CCDC86: variants seen among roughly 807,000 people sequenced by gnomAD.
The protein encoded by CCDC86 is coiled-coil domain-containing protein 86.
CCDC86 carries 28 observed loss-of-function variants against 36.7 expected under a neutral mutation model. That is an observed-to-expected ratio of 0.76 (90% CI 0.57 to 1.05). CCDC86 has a LOEUF of 1.05. Among genes scored for constraint, CCDC86 ranks in the 50% least tolerant of loss-of-function variants. The pLI, the probability that CCDC86 is intolerant of heterozygous loss-of-function variation, is 0.00. For missense variants in CCDC86, 453 were observed against 470.2 expected, an observed-to-expected ratio of 0.96 and a Z score of 0.34; for synonymous variants, 199 against 203.4, an observed-to-expected ratio of 0.98 and a Z score of 0.18.
intron 3 of CCDC86, 37 bp downstream of exon 3, chr11:60,850,051 C>T (rs755953578): frequency 1.4e-5 from 22 of 1,610,882 alleles, no homozygotes; most frequent in African/African-American, 8.0e-5. Flanking sequence ...CCTTCTGCCC[C>T]ACTTGGGGGT....
At position 60,850,454 on chromosome 11, in the gene CCDC86, C is replaced by T. The variant is rs531936657; in HGVS notation, c.*129C>T. On this transcript the variant is annotated 3_prime_UTR_variant, in exon 4 of 4. Coordinates refer to ENST00000227520, the MANE Select transcript of CCDC86 (RefSeq NM_024098.4). ...GGCTCCAGAACAGGGACCCCCACCCCGACCGGGGCTCCTCGGCCTTTGAAG... is the reference window on the plus strand; with the variant it reads ...GGCTCCAGAACAGGGACCCCCACCCTGACCGGGGCTCCTCGGCCTTTGAAG... 377 of 1,262,710 alleles carry T rather than the reference C, an allele frequency of 3.0e-4. No individual in the cohort carries two copies. The highest frequency in any genetic ancestry group is 8.3e-4 in the Middle Eastern group (3 of 3,598). 78.2% of individuals were successfully genotyped at this position (1,262,710 alleles called of 1,614,324 possible). A position where few individuals can be genotyped will look rare whatever the true frequency, so the allele number is the denominator to read the frequency against.
In CCDC86 at chr11:60,842,197, G is replaced by C; in HGVS notation, c.73G>C (p.Val25Leu). The change falls in exon 1 of 4, where the codon GTT (valine) becomes CTT (leucine). Residue 25 changes from valine to leucine, a missense_variant. By Grantham distance (32) the Val-to-Leu change is conservative (BLOSUM62 1). Coordinates refer to ENST00000227520, the MANE Select transcript of CCDC86 (RefSeq NM_024098.4). ...RPESPESLTSVSRTRRALVEF... is the reference protein window; with the variant it reads ...RPESPESLTSLSRTRRALVEF... ...CGAATCCCCCGAGAGCCTCACCTCAGTTTCGCGGACGAGACGGGCCCTTGT... is the reference window on the plus strand; with the variant it reads ...CGAATCCCCCGAGAGCCTCACCTCACTTTCGCGGACGAGACGGGCCCTTGT... The C allele has an allele frequency of 3.1e-6, 5 of 1,613,294 alleles. No homozygotes were observed. The highest frequency in any genetic ancestry group is 4.2e-6 in the Non-Finnish European group (5 of 1,179,846).
chr11:60,847,555 T>C (rs1855201479), intron 1 of CCDC86: 1 of 158,996 alleles, frequency 6.3e-6, no homozygotes, highest in Admixed American at 6.3e-5. Flanking sequence ...GCAACAGAAC[T>C]TTACAGCAGG....
chr11:60,845,921 G>C (rs1323801240), intron 1 of CCDC86, among the ~76,000 whole-genome samples: 1 of 152,166 alleles, frequency 6.6e-6, no homozygotes, highest in African/African-American at 2.4e-5. Context: ...CCCTGCCTCA[G>C]TACCTTAGCC....
At position 60,850,926 on chromosome 11, in the gene CCDC86, A is replaced by T. The variant is rs1855256490; in HGVS notation, c.*601A>T. 3 of 152,460 alleles carry T rather than the reference A, an allele frequency of 2.0e-5. No homozygotes were observed. The highest frequency in any genetic ancestry group is 1.3e-4 in the Admixed American group (2 of 15,306). 9.4% of individuals were successfully genotyped at this position (152,460 alleles called of 1,614,324 possible). A position where few individuals can be genotyped will look rare whatever the true frequency, so the allele number is the denominator to read the frequency against. On this transcript the variant is annotated 3_prime_UTR_variant, in exon 4 of 4. Transcript: ENST00000227520. ...GCAGAAGCCCCAGAGAATCTAACTC[A>T]TGCCTGTCCAGTCTACAGCAAAAAT...
rs964319189 is a variant in CCDC86, at chr11:60,842,403, G to C, written c.279G>C (p.Gln93His). The change falls in exon 1 of 4, where the codon CAG becomes CAC. Residue 93 changes from glutamine (Q) to histidine (H), a missense_variant. Transcript: ENST00000227520. ...GQPEPGAASP[Q>H]RQQDLHLESP... The stretch of plus-strand genomic sequence containing the variant: ...CAGAGCCAGGCGCAGCGTCCCCCCA[G>C]CGTCAGCAAGACCTACACCTGGAGT... The C allele has an allele frequency of 4.5e-5, 73 of 1,613,568 alleles. No homozygotes were observed. The highest frequency in any genetic ancestry group is 6.0e-5 in the Non-Finnish European group (71 of 1,179,926).
chr11:60,847,827 C>G, intron 1 of CCDC86, 97 bp from the exon 2 acceptor site: 1 of 1,432,632 alleles, frequency 7.0e-7, no homozygotes, highest in Non-Finnish European at 9.3e-7. Flanking sequence ...TGCCTGGGCT[C>G]TGGGGAAGAA....
chr11:60,847,884 G>C, intron 1 of CCDC86, 40 bp from the exon 2 acceptor site: 1 of 1,573,460 alleles, frequency 6.4e-7, no homozygotes, highest in Non-Finnish European at 8.7e-7. Context: ...GGTGGCGCTT[G>C]CCCCACAGAC....
intron 2 of CCDC86, among the ~76,000 whole-genome samples, chr11:60,849,002 C>G (rs528834718): frequency 6.6e-6 from 1 of 152,348 alleles, no homozygotes; most frequent in South Asian, 2.1e-4. Flanking sequence ...CGGAGGTGCT[C>G]CTGCCCAGCC....
At position 60,842,893 on chromosome 11, in the gene CCDC86, G is replaced by T. The variant is rs748291836; in HGVS notation, c.758+11G>T. 4 of 1,546,526 alleles carry T rather than the reference G, an allele frequency of 2.6e-6. No homozygotes were observed. The highest frequency in any genetic ancestry group is 3.5e-6 in the Non-Finnish European group (4 of 1,145,848). On this transcript the variant is annotated intron_variant, in intron 1 of 3. Transcript: ENST00000227520. ...CCGCTCCAAGAAAAGGTGAAGTGGG[G>T]GACAGCATGGACAGGGGTGGCGTTC...
chr11:60,850,005 C>T lies in CCDC86; in HGVS notation c.954C>T (p.Val318=), dbSNP rs777267337. ...TGGAGAATGAGCGGAAGGCAGAGGT[C>T]GTCCAAGTGGTGAGTGTCTCGTTTT... ...RRLENERKAE[V]VQVIRNPAKL... is the part of the protein sequence containing the mutation. Residue 318 remains valine, a synonymous_variant, in exon 3 of 4, where the codon GTC becomes GTT. Transcript: ENST00000227520. 2.5e-6 allele frequency: 4 copies of T among 1,614,156 alleles called. No individual in the cohort carries two copies. Among genetic ancestry groups the T allele is most frequent in the Admixed American group, 1.7e-5 (1 of 60,010 alleles).
intron 2 of CCDC86, among the ~76,000 whole-genome samples, chr11:60,848,463 C>T (rs1387938427): frequency 6.6e-6 from 1 of 152,090 alleles, no homozygotes; most frequent in Non-Finnish European, 1.5e-5. Context: ...GGTATGGCTG[C>T]TGTCATTCTC....
chr11:60,848,014 T>C lies in CCDC86; in HGVS notation c.849T>C (p.Phe283=). 2 of 1,613,490 alleles carry C rather than the reference T, an allele frequency of 1.2e-6. No individual in the cohort carries two copies. The highest frequency in any genetic ancestry group is 1.7e-6 in the Non-Finnish European group (2 of 1,179,616). The change falls in exon 2 of 4, where the codon TTT becomes TTC. Residue 283 remains phenylalanine, a synonymous_variant. Coordinates refer to ENST00000227520, the MANE Select transcript of CCDC86 (RefSeq NM_024098.4). ...ERQERKLAKD[F]ARHLEEEKER... ...AGGAGAGGAAGCTGGCCAAGGACTT[T>C]GCCCGTCACCTGGAGGAGGAGAAGG...
chr11:60,846,350 G>A (rs1458457830), intron 1 of CCDC86, among the ~76,000 whole-genome samples: 3 of 152,152 alleles, frequency 2.0e-5, no homozygotes, highest in South Asian at 2.1e-4. Context: ...GCAGGGCCAA[G>A]GGACACCAAA....
intron 1 of CCDC86, among the ~76,000 whole-genome samples, chr11:60,846,072 A>G (rs951699244): frequency 1.3e-5 from 2 of 152,246 alleles, no homozygotes; most frequent in African/African-American, 4.8e-5. Flanking sequence ...GACAGTGTCA[A>G]TGTGGAATGT....
intron 1 of CCDC86, among the ~76,000 whole-genome samples, chr11:60,846,009 C>T (rs866536415): frequency 5.9e-5 from 9 of 152,210 alleles, no homozygotes; most frequent in Middle Eastern, 6.8e-3. Flanking sequence ...CTATCAACAC[C>T]AACCACATTT....
Position 60,850,423 on chromosome 11 carries a change from A to G in CCDC86, c.*98A>G, listed in dbSNP as rs1201545085. On this transcript the variant is annotated 3_prime_UTR_variant, in exon 4 of 4. Transcript: ENST00000227520. ...GCCTCTGCTGGAGCTGGCACTCCAA[A>G]CCCATGGCTCCAGAACAGGGACCCC... is the stretch of plus-strand genomic sequence containing the variant. 2.1e-6 allele frequency: 3 copies of G among 1,461,716 alleles called. No individual in the cohort carries two copies. Among genetic ancestry groups the G allele is most frequent in the Admixed American group, 2.2e-5 (1 of 45,376 alleles). The allele number at this position is 1,461,716 out of a possible 1,614,324, so 90.5% of individuals were successfully genotyped here.
At position 60,842,134 on chromosome 11, in the gene CCDC86, C is replaced by T; in HGVS notation, c.10C>T (p.Pro4Ser). ...ACTTACCGGCTGAGCCATGGATACA[C>T]CGTTAAGGCGCAGCCGACGGCTGGG... is the stretch of plus-strand genomic sequence containing the variant. MDT[P>S]LRRSRRLGGL... is the part of the protein sequence containing the mutation. The change falls in exon 1 of 4, where the codon CCG becomes TCG. Residue 4 changes from proline to serine, a missense_variant. Coordinates refer to ENST00000227520, the MANE Select transcript of CCDC86 (RefSeq NM_024098.4). 1.9e-6 allele frequency: 3 copies of T among 1,585,588 alleles called. No homozygotes were observed. The highest frequency in any genetic ancestry group is 2.6e-6 in the Non-Finnish European group (3 of 1,167,230).
At position 60,842,148 on chromosome 11, in the gene CCDC86, C is replaced by A; in HGVS notation, c.24C>A (p.Ser8Arg). 6.3e-7 allele frequency: 1 copy of A among 1,597,318 alleles called. No individual in the cohort carries two copies. The highest frequency in any genetic ancestry group is 1.8e-5 in the Admixed American group (1 of 56,712). ...CCATGGATACACCGTTAAGGCGCAGCCGACGGCTGGGAGGCCTAAGGCCCG... is the reference window on the plus strand; with the variant it reads ...CCATGGATACACCGTTAAGGCGCAGACGACGGCTGGGAGGCCTAAGGCCCG... Reference protein sequence around the residue: MDTPLRRSRRLGGLRPES... With the variant: MDTPLRRRRRLGGLRPES... Residue 8 changes from serine (S) to arginine (R), a missense_variant, in exon 1 of 4, where the codon AGC (serine) becomes AGA (arginine). Ser to Arg is a moderately radical substitution (Grantham distance 110). Transcript: ENST00000227520.
Sources: gnomAD v4.1 joint callset for allele counts (sites outside exome capture counted in the v4.1 genomes callset) on GRCh38, gnomAD v4.1.1 for gene constraint, MANE v1.5 for transcripts, NCBI Gene and HGNC (gene_info 2026-07-23, HGNC 2026-07-21) for gene names.